PRR16: variants seen among roughly 807,000 people sequenced by gnomAD.
PRR16 encodes the protein proline rich 16.
PRR16 carries 6 observed loss-of-function variants against 18.2 expected under a neutral mutation model. That is an observed-to-expected ratio of 0.33 (90% confidence interval 0.18 to 0.65). The LOEUF (loss-of-function observed/expected upper bound fraction) is 0.65, where lower values mean the gene tolerates loss of function less well. Ranked by LOEUF, PRR16 falls within the 30% of genes least tolerant of loss-of-function variation. PRR16 has a pLI of 0.74. For synonymous variants in PRR16, 151 were observed against 147.8 expected (o/e 1.02, Z -0.16); for missense variants, 412 against 376.6 (o/e 1.09, Z -0.78).
the PRR16 span, among the ~76,000 whole-genome samples, chr5:120,735,313 C>T: frequency 6.6e-6 from 1 of 152,076 alleles, no homozygotes; most frequent in Non-Finnish European, 1.5e-5. Context: ...AGTAATGCTG[C>T]AAAGGCTGTG....
the PRR16 span, among the ~76,000 whole-genome samples, chr5:120,706,808 C>T: frequency 1.3e-5 from 2 of 152,100 alleles, no homozygotes; most frequent in African/African-American, 4.8e-5. Flanking sequence ...AATTCAACTT[C>T]TTGGAGAAAA....
the PRR16 span, among the ~76,000 whole-genome samples, chr5:120,730,546 A>G: frequency 1.3e-5 from 2 of 152,192 alleles, no homozygotes; most frequent in Non-Finnish European, 2.9e-5. Flanking sequence ...GGAGCAGTGG[A>G]CCAAGGATGG....
intron 1 of PRR16, among the ~76,000 whole-genome samples, chr5:120,486,361 A>T (rs1263176363): frequency 1.3e-5 from 2 of 150,246 alleles, no homozygotes; most frequent in Non-Finnish European, 1.5e-5. Context: ...GTCAGATGGT[A>T]TCTCACTGTG....
At chr5:120,568,294 G>C (rs188821116) in intron 1 of PRR16, among the ~76,000 whole-genome samples, 10 of 152,060 alleles carry the variant, frequency 6.6e-5, no homozygotes, top group African/African-American at 9.7e-5. Flanking sequence ...GATAGAGCTG[G>C]GATAGGGCCC....
the PRR16 span, among the ~76,000 whole-genome samples, chr5:120,754,697 A>T: frequency 1.4e-5 from 2 of 141,998 alleles, no homozygotes; most frequent in Admixed American, 1.5e-4. Context: ...TTTCTTCCTG[A>T]TATAACTAAA....
the PRR16 span, among the ~76,000 whole-genome samples, chr5:120,727,889 G>A: frequency 8.6e-5 from 13 of 151,800 alleles, no homozygotes; most frequent in African/African-American, 3.1e-4. Flanking sequence ...TACATAAAAT[G>A]CTTGAACATT....
intron 1 of PRR16, among the ~76,000 whole-genome samples, chr5:120,572,409 A>C (rs932776585): frequency 1.3e-5 from 2 of 152,170 alleles, no homozygotes; most frequent in Non-Finnish European, 2.9e-5. Flanking sequence ...AGTTGAACTA[A>C]TTTTTGTATT....
At chr5:120,490,569 G>T (rs1749994178) in intron 1 of PRR16, among the ~76,000 whole-genome samples, 1 of 151,970 alleles carries the variant, frequency 6.6e-6, no homozygotes, top group South Asian at 2.1e-4. Flanking sequence ...TTTTTTCAAG[G>T]TATTTAACTT....
chr5:120,780,863 A>C, the PRR16 span, among the ~76,000 whole-genome samples: 1 of 152,156 alleles, frequency 6.6e-6, no homozygotes, highest in Admixed American at 6.5e-5. Flanking sequence ...CATCCTGGCC[A>C]ACATGGTGAA....
intron 1 of PRR16, among the ~76,000 whole-genome samples, chr5:120,531,918 CATGTA>C (rs1204868060): frequency 2.0e-5 from 3 of 152,086 alleles, no homozygotes; most frequent in Non-Finnish European, 4.4e-5. Flanking sequence ...TGTTAATTAG[CATGTA>C]ATGCATTGAA....
chr5:120,612,526 C>T (rs1020716432), intron 1 of PRR16, among the ~76,000 whole-genome samples: 1 of 152,132 alleles, frequency 6.6e-6, no homozygotes, highest in Non-Finnish European at 1.5e-5. Context: ...ATAAGTATTA[C>T]GATATCTGAA....
intron 1 of PRR16, among the ~76,000 whole-genome samples, chr5:120,622,362 C>G (rs1754718057): frequency 6.6e-6 from 1 of 152,112 alleles, no homozygotes; most frequent in Non-Finnish European, 1.5e-5. Flanking sequence ...AAGAGATACA[C>G]AGAGCTGAAG....
the PRR16 span, among the ~76,000 whole-genome samples, chr5:120,755,747 A>ATACAACACATAC: frequency 1.3e-5 from 2 of 152,144 alleles, no homozygotes; most frequent in African/African-American, 4.8e-5. Flanking sequence ...ATACATACCC[A>ATACAACACATAC]GTAATAGTGT....
intron 1 of PRR16, among the ~76,000 whole-genome samples, chr5:120,592,940 G>A (rs915149883): frequency 6.6e-6 from 1 of 151,958 alleles, no homozygotes; most frequent in Non-Finnish European, 1.5e-5. Context: ...TACTGCATTT[G>A]CAATTTCTCT....
intron 1 of PRR16, among the ~76,000 whole-genome samples, chr5:120,601,585 A>C (rs998430166): frequency 6.6e-6 from 1 of 151,922 alleles, no homozygotes; most frequent in South Asian, 2.1e-4. Flanking sequence ...CCCACTTACT[A>C]ATTTTTGTTT....
chr5:120,499,083 C>G (rs1489946295), intron 1 of PRR16, among the ~76,000 whole-genome samples: 2 of 149,690 alleles, frequency 1.3e-5, no homozygotes, highest in South Asian at 4.2e-4. Flanking sequence ...AAATATGGGA[C>G]ATTTTCAGTC....
chr5:120,643,171 G>A (rs1053568181), intron 1 of PRR16, among the ~76,000 whole-genome samples: 20 of 146,262 alleles, frequency 1.4e-4, no homozygotes, highest in African/African-American at 5.1e-4. Flanking sequence ...AAACAAAGAA[G>A]AGACATACAG....
intron 1 of PRR16, among the ~76,000 whole-genome samples, chr5:120,643,457 G>A (rs1755488905): frequency 6.6e-6 from 1 of 152,050 alleles, no homozygotes; most frequent in Non-Finnish European, 1.5e-5. Flanking sequence ...ATAGAAAAAT[G>A]AGAACATGAT....
At chr5:120,720,028 G>A in the PRR16 span, among the ~76,000 whole-genome samples, 26 of 151,932 alleles carry the variant, frequency 1.7e-4, no homozygotes, top group African/African-American at 5.8e-4. Flanking sequence ...GGTTTTATCA[G>A]TTACTTAGGC....
Sources: allele counts gnomAD v4.1 joint callset (sites outside exome capture counted in the v4.1 genomes callset), GRCh38; gene constraint gnomAD v4.1.1; transcripts MANE v1.5; gene names NCBI Gene and HGNC (gene_info 2026-07-23, HGNC 2026-07-21).